CREBRF: variants seen among roughly 807,000 people sequenced by gnomAD.
CREBRF encodes UPF0474 protein C5orf41.
A neutral mutation model predicts 66.1 loss-of-function variants in CREBRF; 5 were observed. The observed-to-expected ratio is 0.08, with a 90% CI of 0.04 to 0.16. The LOEUF (loss-of-function observed/expected upper bound fraction) is 0.16. CREBRF is among the 10% of genes least tolerant of loss of function. The pLI is 1.00. For missense variants in CREBRF, 531 were observed against 744.9 expected (o/e 0.71, Z 3.34); for synonymous variants, 229 against 264.4 (o/e 0.87, Z 1.30).
intron 6 of CREBRF, among the ~76,000 whole-genome samples, chr5:173,111,253 T>G (rs1260843401): frequency 6.6e-6 from 1 of 152,176 alleles, no homozygotes; most frequent in African/African-American, 2.4e-5. Flanking sequence ...ATACTGTATG[T>G]ATGTAGCCTT....
chr5:173,076,381 CT>C (rs1204419682), intron 1 of CREBRF, among the ~76,000 whole-genome samples: 2 of 152,178 alleles, frequency 1.3e-5, no homozygotes, highest in Non-Finnish European at 2.9e-5. Context: ...TCTTCCTTGC[CT>C]GTCTTCCTTT....
Position 173,085,903 on chromosome 5 carries a change from A to G in CREBRF, c.10-598A>G, listed in dbSNP as rs1758132311. ...TTTGGGTCCCAACAAGCAAGAAAGG[A>G]GTCTTTGGGACAGTTAGGCACCCAC... is the stretch of plus-strand genomic sequence containing the variant. On this transcript the variant is annotated intron_variant, in intron 2 of 8. Transcript: ENST00000296953. 6.7e-6 allele frequency: 6 copies of G among 894,278 alleles called. No individual in the cohort carries two copies. The Admixed American group carries it at 1.0e-4, about 15-fold the overall frequency. 55.4% of individuals were successfully genotyped at this position (894,278 alleles called of 1,614,324 possible). A position where few individuals can be genotyped will look rare whatever the true frequency, so the allele number is the denominator to read the frequency against.
rs1757911240 is a variant in CREBRF at position 173,080,607 on chromosome 5, T to TA, written c.-161dup. ...CAGACAGCATCGCACAGAATTATTT[T>TA]AAAAAAAAGCAGTGATCCAAGCAAT... On this transcript the variant is annotated 5_prime_UTR_variant, in exon 2 of 9. Coordinates refer to ENST00000296953, the MANE Select transcript of CREBRF (RefSeq NM_153607.3). 6.5e-5 allele frequency: 40 copies of TA among 614,484 alleles called. No individual in the cohort carries two copies. Among genetic ancestry groups the TA allele is most frequent in the Middle Eastern group, 4.2e-4 (1 of 2,384 alleles). The allele number at this position is 614,484 out of a possible 1,614,324, so 38.1% of individuals were successfully genotyped here.
intron 8 of CREBRF, 72 bp from the exon 9 acceptor site, chr5:173,133,558 T>A (rs1049192928): frequency 4.2e-5 from 34 of 802,742 alleles, no homozygotes; most frequent in Non-Finnish European, 6.8e-5. Flanking sequence ...CCTCAGTTTT[T>A]ACCAGCTCCT....
chr5:173,128,303 C>T (rs1335876370), intron 8 of CREBRF, among the ~76,000 whole-genome samples: 1 of 152,118 alleles, frequency 6.6e-6, no homozygotes, highest in Non-Finnish European at 1.5e-5. Context: ...TTACTGACCT[C>T]CAGTTTTTTG....
chr5:173,109,047 T>C, intron 5 of CREBRF: 1 of 460,676 alleles, frequency 2.2e-6, no homozygotes, highest in Non-Finnish European at 3.8e-6. Context: ...AAACATTATT[T>C]CATTTCTAGT....
intron 1 of CREBRF, among the ~76,000 whole-genome samples, chr5:173,060,648 A>T (rs1757243325): frequency 1.3e-5 from 2 of 152,024 alleles, no homozygotes; most frequent in African/African-American, 4.8e-5. Context: ...TCATTTCGGG[A>T]TAGGTAAACT....
chr5:173,057,065 C>T (rs1757076111), intron 1 of CREBRF, among the ~76,000 whole-genome samples: 1 of 152,004 alleles, frequency 6.6e-6, no homozygotes, highest in African/African-American at 2.4e-5. Context: ...CCTTCTGTCC[C>T]CGCCTCAGAG....
intron 7 of CREBRF, among the ~76,000 whole-genome samples, chr5:173,118,302 C>T (rs1161470848): frequency 6.6e-6 from 1 of 152,198 alleles, no homozygotes; most frequent in East Asian, 1.9e-4. Flanking sequence ...GCATGAGCCA[C>T]CATGCCTGGC....
intron 4 of CREBRF, among the ~76,000 whole-genome samples, chr5:173,104,106 T>C (rs1758692551): frequency 6.6e-6 from 1 of 152,226 alleles, no homozygotes; most frequent in African/African-American, 2.4e-5. Flanking sequence ...TAGACATCTT[T>C]ATCTTCATGG....
chr5:173,096,071 C>A (rs1353036018), intron 4 of CREBRF, among the ~76,000 whole-genome samples: 1 of 152,072 alleles, frequency 6.6e-6, no homozygotes, highest in African/African-American at 2.4e-5. Flanking sequence ...CCGGGTTATG[C>A]CATTCTCCTG....
chr5:173,127,162 CTTTTT>C (rs70984944), intron 8 of CREBRF, among the ~76,000 whole-genome samples: 2 of 114,758 alleles, frequency 1.7e-5, no homozygotes, highest in Non-Finnish European at 1.8e-5. Context: ...GTTTCTTTTT[CTTTTT>C]TTTTTTTTTT....
chr5:173,065,828 G>A (rs1181267109), intron 1 of CREBRF, among the ~76,000 whole-genome samples: 1 of 151,096 alleles, frequency 6.6e-6, no homozygotes, highest in African/African-American at 2.4e-5. Flanking sequence ...GTAGAGACAG[G>A]GTTTCCCCAC....
At chr5:173,118,672 C>T (rs1196882429) in intron 7 of CREBRF, among the ~76,000 whole-genome samples, 1 of 151,154 alleles carries the variant, frequency 6.6e-6, no homozygotes, top group Non-Finnish European at 1.5e-5. Context: ...GGGTTTACTT[C>T]TAGATATTGT....
At chr5:173,080,170 T>A (rs1036155389) in intron 1 of CREBRF, among the ~76,000 whole-genome samples, 3 of 152,158 alleles carry the variant, frequency 2.0e-5, no homozygotes, top group Admixed American at 6.5e-5. Flanking sequence ...ATGAGAGAGA[T>A]AAAATGTAGA....
intron 8 of CREBRF, among the ~76,000 whole-genome samples, chr5:173,129,106 C>CTT (rs70984946): frequency 0.023 from 1,230 of 53,742 alleles, 228 homozygotes; most frequent in African/African-American, 0.038. Context: ...TTAGTTACAT[C>CTT]TTTTTTTTTT....
At chr5:173,080,445 T>G in intron 1 of CREBRF, 140 bp from the exon 2 acceptor site, 1 of 284,158 alleles carries the variant, frequency 3.5e-6, no homozygotes, top group Non-Finnish European at 6.6e-6. Context: ...GACCAAATCC[T>G]TGATAACTCA....
intron 8 of CREBRF, 90 bp downstream of exon 8, chr5:173,123,292 G>A: frequency 3.8e-6 from 5 of 1,308,652 alleles, no homozygotes; most frequent in Non-Finnish European, 5.2e-6. Context: ...TTTAGTTTAA[G>A]GAAAAACTCA....
intron 1 of CREBRF, among the ~76,000 whole-genome samples, chr5:173,063,038 C>T (rs1005153791): frequency 2.6e-5 from 4 of 152,104 alleles, no homozygotes; most frequent in South Asian, 2.1e-4. Context: ...TGAGCCACCG[C>T]GCCCAGCCTG....
Sources: allele counts gnomAD v4.1 joint callset (sites outside exome capture counted in the v4.1 genomes callset), GRCh38; gene constraint gnomAD v4.1.1; transcripts MANE v1.5; gene names NCBI Gene and HGNC (gene_info 2026-07-23, HGNC 2026-07-21).